Variants in RFC3 observed in about 807,000 individuals in gnomAD.
The protein encoded by RFC3 is replication factor C subunit 3, also known as A1 38 kDa subunit.
A neutral mutation model predicts 45.1 loss-of-function variants in RFC3; 41 were observed. The ratio of observed to expected loss-of-function variants is 0.91; its 90% CI spans 0.71 to 1.18. RFC3 has a LOEUF of 1.18. RFC3 is among the 50% of genes most tolerant of loss of function. The pLI is 0.00. For synonymous variants in RFC3, 149 were observed against 144.0 expected, an observed-to-expected ratio of 1.03 and a Z score of -0.25; for missense variants, 423 against 428.1, an observed-to-expected ratio of 0.99 and a Z score of 0.10.
At chr13:33,855,659 A>C (rs1005799657) in intron 8 of RFC3, among the ~76,000 whole-genome samples, 1 of 152,150 alleles carries the variant, frequency 6.6e-6, no homozygotes, top group Admixed American at 6.6e-5. Context: ...ATTTTTTAAC[A>C]ATAGCCATTT....
At chr13:33,850,945 T>A (rs1860431360) in intron 8 of RFC3, 1 of 152,204 alleles carries the variant, frequency 6.6e-6, no homozygotes, top group Admixed American at 6.5e-5. Context: ...GATATTACTT[T>A]CGGATTTTTT....
intron 8 of RFC3, among the ~76,000 whole-genome samples, chr13:33,918,806 A>G (rs1213678098): frequency 6.6e-6 from 1 of 152,150 alleles, no homozygotes; most frequent in Non-Finnish European, 1.5e-5. Flanking sequence ...CCAAGTTTAT[A>G]TGCTCAGAAT....
intron 1 of RFC3, among the ~76,000 whole-genome samples, chr13:33,820,130 T>C (rs1282804672): frequency 2.0e-5 from 3 of 152,182 alleles, no homozygotes; most frequent in African/African-American, 7.2e-5. Context: ...TGTCACCCAC[T>C]CATCTTTATA....
chr13:33,824,361 A>G (rs748745553), intron 3 of RFC3, among the ~76,000 whole-genome samples: 36 of 152,146 alleles, frequency 2.4e-4, no homozygotes, highest in African/African-American at 6.3e-4. Flanking sequence ...TGGGTTGCCA[A>G]ATCTTTCTTT....
At chr13:33,836,012 G>A in intron 8 of RFC3, 92 bp from the exon 9 acceptor site, 1 of 1,281,184 alleles carries the variant, frequency 7.8e-7, no homozygotes, top group East Asian at 2.5e-5. Context: ...AAGAGAGTAT[G>A]TTTAACTTTA....
chr13:33,895,421 A>G (rs189402992), intron 8 of RFC3, among the ~76,000 whole-genome samples: 117 of 152,320 alleles, frequency 7.7e-4, no homozygotes, highest in Non-Finnish European at 1.5e-3. Flanking sequence ...AATATGGCAT[A>G]TTAAAACCAA....
intron 8 of RFC3, among the ~76,000 whole-genome samples, chr13:33,963,489 A>G (rs924303274): frequency 2.0e-5 from 3 of 152,236 alleles, no homozygotes; most frequent in Non-Finnish European, 2.9e-5. Flanking sequence ...CACGCTCTGC[A>G]GTGAGGACAC....
In RFC3 at chr13:33,875,094, T is replaced by G. The variant is rs2137578430; in HGVS notation, c.879+39877T>G. On this transcript the variant is annotated intron_variant, in intron 8 of 8. Transcript: ENST00000434425. ...CCATACACTTAGATCTTTTCAGTCATTCTACAAATAATTATTGAGCACCTA... is the reference window on the plus strand; with the variant it reads ...CCATACACTTAGATCTTTTCAGTCAGTCTACAAATAATTATTGAGCACCTA... Among the ~76,000 whole-genome samples, 2 of 152,342 alleles carry G rather than the reference T, an allele frequency of 1.3e-5. 1 individual carries two copies. Among genetic ancestry groups the G allele is most frequent in the Middle Eastern group, 6.8e-3 (2 of 294 alleles).
intron 8 of RFC3, among the ~76,000 whole-genome samples, chr13:33,889,877 A>G (rs2082552798): frequency 6.6e-6 from 1 of 152,224 alleles, no homozygotes; most frequent in African/African-American, 2.4e-5. Flanking sequence ...TTACTAAGCT[A>G]TAAAGAAGGA....
Position 33,821,113 on chromosome 13 carries a change from C to T in RFC3, c.88-19C>T, listed in dbSNP as rs760061833. On this transcript the variant is annotated intron_variant, in intron 1 of 8. Transcript: ENST00000380071. ...AGTTCAGTTTGACTAGGGAAAAATG[C>T]CTTGTTCTTTTTTTTCAGGTGCAGT... is the stretch of plus-strand genomic sequence containing the variant. 1 of 1,612,130 alleles carries T rather than the reference C, an allele frequency of 6.2e-7. No homozygotes were observed. Among genetic ancestry groups the T allele is most frequent in the African/African-American group, 1.3e-5 (1 of 74,770 alleles).
At chr13:33,876,690 A>G (rs2082449175) in intron 8 of RFC3, among the ~76,000 whole-genome samples, 2 of 152,238 alleles carry the variant, frequency 1.3e-5, no homozygotes, top group Non-Finnish European at 1.5e-5. Context: ...AAAAATGTGT[A>G]CATTTTGTCG....
At chr13:33,957,544 C>T (rs1393552975) in intron 8 of RFC3, among the ~76,000 whole-genome samples, 2 of 152,076 alleles carry the variant, frequency 1.3e-5, no homozygotes, top group East Asian at 1.9e-4. Flanking sequence ...GAGAAATGGG[C>T]GACATTTGTT....
At chr13:33,911,544 G>A (rs2082703831) in intron 8 of RFC3, among the ~76,000 whole-genome samples, 1 of 152,048 alleles carries the variant, frequency 6.6e-6, no homozygotes, top group Non-Finnish European at 1.5e-5. Context: ...CAGTTCTGCA[G>A]GCTGGAAAGT....
Position 33,830,747 on chromosome 13 carries a change from A to G in RFC3, c.602A>G (p.Lys201Arg), listed in dbSNP as rs777554893. 1.2e-6 allele frequency: 2 copies of G among 1,612,402 alleles called. No individual in the cohort carries two copies. Among genetic ancestry groups the G allele is most frequent in the Non-Finnish European group, 1.7e-6 (2 of 1,179,014 alleles). Residue 201 changes from lysine (K) to arginine (R), a missense_variant, in exon 6 of 9, where the codon AAG (lysine) becomes AGG (arginine). Transcript: ENST00000380071. The stretch of plus-strand genomic sequence containing the variant: ...TGCCACGTGTTATCTACTGTGTGTA[A>G]GAAGGAAGGTCTGAATCTTCCTTCA... ...DICHVLSTVC[K>R]KEGLNLPSQL...
At chr13:33,935,765 C>T (rs2082882230) in intron 8 of RFC3, among the ~76,000 whole-genome samples, 1 of 152,170 alleles carries the variant, frequency 6.6e-6, no homozygotes, top group Admixed American at 6.5e-5. Context: ...GAGGACACAG[C>T]ATTAGCATTT....
intron 8 of RFC3, chr13:33,966,062 A>G: frequency 6.4e-7 from 1 of 1,568,840 alleles, no homozygotes; most frequent in Non-Finnish European, 8.8e-7. Flanking sequence ...TAAACAATTG[A>G]TTGGATAGTG....
the RFC3 span, among the ~76,000 whole-genome samples, chr13:33,972,548 C>T: frequency 6.6e-6 from 1 of 152,150 alleles, no homozygotes; most frequent in Non-Finnish European, 1.5e-5. Flanking sequence ...GGAATGGAAG[C>T]TTTTCATTTC....
At chr13:33,952,500 G>A (rs188905108) in intron 8 of RFC3, among the ~76,000 whole-genome samples, 39 of 152,316 alleles carry the variant, frequency 2.6e-4, no homozygotes, top group Admixed American at 5.2e-4. Context: ...TTCATCTGCA[G>A]ATGCTGTAAT....
At position 33,825,746 on chromosome 13, in the gene RFC3, A is replaced by G. The variant is rs376735194; in HGVS notation, c.294-43A>G. 22 of 1,110,484 alleles carry G rather than the reference A, an allele frequency of 2.0e-5. No homozygotes were observed. In the African/African-American group the frequency reaches 2.6e-4, roughly 13 times the overall value. 68.8% of individuals were successfully genotyped at this position (1,110,484 alleles called of 1,614,324 possible). A position where few individuals can be genotyped will look rare whatever the true frequency, so the allele number is the denominator to read the frequency against. On this transcript the variant is annotated intron_variant, in intron 3 of 8. Transcript: ENST00000380071. ...CTTCACCATTTTTCTTATAATAACA[A>G]TATTAAGGGCATACTATATACCATT...
Sources: gnomAD v4.1 joint callset for allele counts (sites outside exome capture counted in the v4.1 genomes callset) on GRCh38, gnomAD v4.1.1 for gene constraint, MANE v1.5 for transcripts, NCBI Gene and HGNC (gene_info 2026-07-23, HGNC 2026-07-21) for gene names.